DLGAP2: variants seen among roughly 807,000 people sequenced by gnomAD.
DLGAP2 encodes DLG associated protein 2.
In DLGAP2, 26 loss-of-function variants were observed where a neutral mutation model predicts 100.3. The observed-to-expected ratio is 0.26, with a 90% CI of 0.19 to 0.36. The LOEUF is 0.36. DLGAP2 is among the 10% of genes least tolerant of loss of function. The probability of loss-of-function intolerance (pLI) is 1.00; values close to 1 mark genes in which losing one functional copy is unlikely to be tolerated. For synonymous variants in DLGAP2, 886 were observed against 630.1 expected (o/e 1.41, Z -6.08); for missense variants, 1,858 against 1,453.2 (o/e 1.28, Z -4.53).
intron 2 of DLGAP2, among the ~76,000 whole-genome samples, chr8:1,215,922 C>A (rs1260800806): frequency 6.7e-6 from 1 of 150,088 alleles, no homozygotes; most frequent in African/African-American, 2.5e-5. Context: ...CTGGAGACGT[C>A]CAGGTACCTG....
At chr8:1,174,270 T>TCAC (rs925806678) in intron 2 of DLGAP2, among the ~76,000 whole-genome samples, 1 of 151,598 alleles carries the variant, frequency 6.6e-6, no homozygotes, top group African/African-American at 2.4e-5. Context: ...ATCACCACCA[T>TCAC]CACCACCATC....
intron 3 of DLGAP2, among the ~76,000 whole-genome samples, chr8:1,281,429 G>C (rs973901682): frequency 1.3e-5 from 2 of 152,160 alleles, no homozygotes; most frequent in African/African-American, 4.8e-5. Flanking sequence ...TCAATGCTCA[G>C]TAAATATTCC....
chr8:820,872 G>A (rs1407789021), intron 1 of DLGAP2, among the ~76,000 whole-genome samples: 1 of 152,206 alleles, frequency 6.6e-6, no homozygotes, highest in Non-Finnish European at 1.5e-5. Context: ...CCAGGAAGAT[G>A]TAGTTCTGTC....
intron 2 of DLGAP2, among the ~76,000 whole-genome samples, chr8:1,096,185 C>T (rs1160769310): frequency 6.6e-6 from 1 of 152,192 alleles, no homozygotes; most frequent in African/African-American, 2.4e-5. Flanking sequence ...CCATGGCTGA[C>T]TTTCCATGGT....
At position 1,188,946 on chromosome 8, in the gene DLGAP2, C is replaced by T. The variant is rs148445436; in HGVS notation, c.74-69905C>T. 4.5e-3 allele frequency among the ~76,000 whole-genome samples: 685 copies of T among 152,186 alleles called. 24 individuals carry two copies. The highest frequency in any genetic ancestry group is 6.7e-3 in the Non-Finnish European group (455 of 67,990). On this transcript the variant is annotated intron_variant, in intron 2 of 14. Coordinates refer to ENST00000637795, the MANE Select transcript of DLGAP2 (RefSeq NM_001346810.2). Reference sequence around the variant, plus strand: ...TGTGGTGCGGCTTCCAGGCCGGTTCCGCGGTTGGGGTTGACCGTACACAGG... The same window carrying T: ...TGTGGTGCGGCTTCCAGGCCGGTTCTGCGGTTGGGGTTGACCGTACACAGG...
At chr8:1,390,977 G>C (rs1563122381) in intron 3 of DLGAP2, among the ~76,000 whole-genome samples, 1 of 152,206 alleles carries the variant, frequency 6.6e-6, no homozygotes, top group African/African-American at 2.4e-5. Flanking sequence ...CCCAGGGTCT[G>C]TGCTGGCAGG....
chr8:776,244 T>C (rs1434146981), intron 1 of DLGAP2, among the ~76,000 whole-genome samples: 7 of 152,130 alleles, frequency 4.6e-5, no homozygotes, highest in African/African-American at 1.4e-4. Flanking sequence ...TCTCTCTTTT[T>C]TTCTTTATTA....
chr8:1,119,078 A>T (rs1001632076), intron 2 of DLGAP2, among the ~76,000 whole-genome samples: 2 of 152,254 alleles, frequency 1.3e-5, no homozygotes, highest in Non-Finnish European at 2.9e-5. Flanking sequence ...CTACTACTTT[A>T]TAACCGATTC....
intron 2 of DLGAP2, among the ~76,000 whole-genome samples, chr8:1,234,675 A>C (rs138378303): frequency 6.6e-6 from 1 of 152,310 alleles, no homozygotes; most frequent in Non-Finnish European, 1.5e-5. Flanking sequence ...ACGAGGCTTA[A>C]AATTATGTCC....
intron 2 of DLGAP2, among the ~76,000 whole-genome samples, chr8:997,453 A>G (rs1364470757): frequency 6.6e-6 from 1 of 152,242 alleles, no homozygotes; most frequent in Non-Finnish European, 1.5e-5. Flanking sequence ...CAGAGAAGAC[A>G]ACAACTGATC....
intron 1 of DLGAP2, among the ~76,000 whole-genome samples, chr8:840,391 A>G (rs1441665473): frequency 1.6e-5 from 2 of 128,924 alleles, no homozygotes; most frequent in Non-Finnish European, 1.6e-5. Flanking sequence ...TACACTCTGG[A>G]TTCTGCGAGC....
At chr8:1,072,699 T>C (rs1345094974) in intron 2 of DLGAP2, among the ~76,000 whole-genome samples, 3 of 152,202 alleles carry the variant, frequency 2.0e-5, no homozygotes, top group African/African-American at 7.2e-5. Context: ...GAAGATGTGC[T>C]TCTTATTAAA....
chr8:1,216,524 A>C (rs1798217411), intron 2 of DLGAP2, among the ~76,000 whole-genome samples: 1 of 150,790 alleles, frequency 6.6e-6, no homozygotes, highest in Non-Finnish European at 1.5e-5. Flanking sequence ...TTTTTTACAG[A>C]TTGTCTCACT....
intron 3 of DLGAP2, among the ~76,000 whole-genome samples, chr8:1,389,971 C>A (rs1373000616): frequency 6.6e-6 from 1 of 152,114 alleles, no homozygotes; most frequent in African/African-American, 2.4e-5. Flanking sequence ...CACACGTGAA[C>A]AGGAGCAACC....
chr8:1,535,309 A>G (rs1801121173), intron 4 of DLGAP2, among the ~76,000 whole-genome samples: 1 of 152,178 alleles, frequency 6.6e-6, no homozygotes, highest in African/African-American at 2.4e-5. Context: ...CCCACTGACA[A>G]ACTCCTGCCC....
intron 8 of DLGAP2, among the ~76,000 whole-genome samples, chr8:1,639,116 G>A (rs1797837418): frequency 6.6e-6 from 1 of 152,244 alleles, no homozygotes; most frequent in African/African-American, 2.4e-5. Flanking sequence ...AGGGTCCCAT[G>A]ACTTGCTAAC....
At chr8:804,417 A>G (rs1013986702) in intron 1 of DLGAP2, among the ~76,000 whole-genome samples, 6 of 152,086 alleles carry the variant, frequency 3.9e-5, no homozygotes, top group African/African-American at 1.2e-4. Context: ...GGTGGTGGAA[A>G]CCGCTACTGC....
At chr8:1,412,414 C>A (rs1041482953) in intron 3 of DLGAP2, among the ~76,000 whole-genome samples, 4 of 152,224 alleles carry the variant, frequency 2.6e-5, no homozygotes, top group African/African-American at 9.6e-5. Flanking sequence ...CACCCTCTTC[C>A]ATATGATTTG....
chr8:1,132,403 A>T (rs1398164695), intron 2 of DLGAP2, among the ~76,000 whole-genome samples: 1 of 152,226 alleles, frequency 6.6e-6, no homozygotes, highest in Non-Finnish European at 1.5e-5. Context: ...GTAATATTAC[A>T]GTTAAGCTAC....
Sources: allele counts gnomAD v4.1 joint callset (sites outside exome capture counted in the v4.1 genomes callset), GRCh38; gene constraint gnomAD v4.1.1; transcripts MANE v1.5; gene names NCBI Gene and HGNC (gene_info 2026-07-23, HGNC 2026-07-21).